CDKAL1: variants seen among roughly 807,000 people sequenced by gnomAD.
CDKAL1 encodes the protein threonylcarbamoyladenosine tRNA methylthiotransferase.
A neutral mutation model predicts 68.2 loss-of-function variants in CDKAL1; 32 were observed. The observed-to-expected ratio is 0.47, with a 90% CI of 0.35 to 0.63. The LOEUF is 0.63. Ranked by LOEUF, CDKAL1 falls within the 30% of genes least tolerant of loss-of-function variation. The probability of loss-of-function intolerance (pLI) is 0.00; values close to 1 mark genes in which losing one functional copy is unlikely to be tolerated. For synonymous variants in CDKAL1, 234 were observed against 244.3 expected, an observed-to-expected ratio of 0.96 and a Z score of 0.39; for missense variants, 606 against 696.7, an observed-to-expected ratio of 0.87 and a Z score of 1.47.
chr6:20,808,064 A>G (rs2150415987), intron 8 of CDKAL1, among the ~76,000 whole-genome samples: 1 of 152,352 alleles, frequency 6.6e-6, no homozygotes, highest in East Asian at 1.9e-4. Flanking sequence ...TGCTATCAGT[A>G]TTTGCCATTA....
intron 5 of CDKAL1, among the ~76,000 whole-genome samples, chr6:20,711,587 C>G (rs1417197074): frequency 6.6e-6 from 1 of 152,106 alleles, no homozygotes; most frequent in Non-Finnish European, 1.5e-5. Flanking sequence ...GTTTGGATAC[C>G]TTTGGCCTGT....
chr6:20,839,176 T>G (rs947369334), intron 8 of CDKAL1, among the ~76,000 whole-genome samples: 7 of 152,042 alleles, frequency 4.6e-5, no homozygotes, highest in African/African-American at 1.7e-4. Context: ...CTTAGGAAGA[T>G]GTTAAAGAAT....
rs1779992547 is a variant in CDKAL1 at position 21,231,999 on chromosome 6, T to TTTG, written c.*962_*963insGTT. ...CATTTTTGATCCATTGGGGTTTTTT[T>TTTG]TTTGTTTTTGTTTTTTTTTTTTTTT... is the stretch of plus-strand genomic sequence containing the variant. On this transcript the variant is annotated 3_prime_UTR_variant, in exon 16 of 16. Coordinates refer to ENST00000274695, the MANE Select transcript of CDKAL1 (RefSeq NM_017774.3). 1 of 136,312 alleles carries TTTG rather than the reference T, an allele frequency of 7.3e-6. No homozygotes were observed. Among genetic ancestry groups the TTTG allele is most frequent in the Non-Finnish European group, 1.6e-5 (1 of 62,378 alleles). 8.4% of individuals were successfully genotyped at this position (136,312 alleles called of 1,614,324 possible).
At chr6:20,779,964 C>T (rs1042125443) in intron 7 of CDKAL1, among the ~76,000 whole-genome samples, 4 of 151,698 alleles carry the variant, frequency 2.6e-5, no homozygotes, top group Non-Finnish European at 5.9e-5. Context: ...AACAATAGGT[C>T]TAGGCTGTGT....
At chr6:21,107,638 G>T (rs967508483) in intron 12 of CDKAL1, among the ~76,000 whole-genome samples, 1 of 151,802 alleles carries the variant, frequency 6.6e-6, no homozygotes, top group Admixed American at 6.6e-5. Context: ...CTCCATTTTG[G>T]CCAAGCTGGT....
intron 4 of CDKAL1, among the ~76,000 whole-genome samples, chr6:20,613,362 C>T (rs559858372): frequency 7.3e-6 from 1 of 137,126 alleles, no homozygotes; most frequent in African/African-American, 2.7e-5. Context: ...GCAACCTCCG[C>T]CTTCCAGGTT....
At chr6:21,033,740 A>T (rs1769423304) in intron 11 of CDKAL1, among the ~76,000 whole-genome samples, 1 of 152,188 alleles carries the variant, frequency 6.6e-6, no homozygotes, top group African/African-American at 2.4e-5. Context: ...TGCTTTGTGA[A>T]AGTAGTAGCC....
chr6:20,703,527 A>T (rs892411740), intron 5 of CDKAL1, among the ~76,000 whole-genome samples: 7 of 152,134 alleles, frequency 4.6e-5, no homozygotes, highest in Non-Finnish European at 8.8e-5. Flanking sequence ...TGATTCATTT[A>T]AAAAATATAT....
intron 13 of CDKAL1, among the ~76,000 whole-genome samples, chr6:21,169,976 G>A (rs967252698): frequency 8.1e-5 from 11 of 136,298 alleles, no homozygotes; most frequent in African/African-American, 3.1e-4. Flanking sequence ...CACAACATAT[G>A]GGAATTATGG....
At chr6:20,985,159 G>A (rs201353) in intron 10 of CDKAL1, among the ~76,000 whole-genome samples, 137,191 of 152,196 alleles carry the variant, frequency 0.9, 61,896 homozygotes, top group Middle Eastern at 0.94. Flanking sequence ...CCATTCATAT[G>A]TATGTTGCAT....
chr6:20,830,071 G>T (rs1243446668), intron 8 of CDKAL1, among the ~76,000 whole-genome samples: 1 of 152,098 alleles, frequency 6.6e-6, no homozygotes, highest in East Asian at 1.9e-4. Context: ...GCCCAGGCTG[G>T]TCTTGAACTC....
chr6:20,896,233 T>C (rs1255576119), intron 9 of CDKAL1, among the ~76,000 whole-genome samples: 1 of 151,848 alleles, frequency 6.6e-6, no homozygotes, highest in Non-Finnish European at 1.5e-5. Flanking sequence ...CCCGAGTAGC[T>C]GAGACTACAG....
chr6:21,043,347 T>TTGTGTG (rs34254730), intron 11 of CDKAL1, among the ~76,000 whole-genome samples: 360 of 150,496 alleles, frequency 2.4e-3, no homozygotes, highest in Middle Eastern at 6.9e-3. Context: ...GTGTGTGTGT[T>TTGTGTG]TGTGTGTGTG....
At chr6:20,837,776 A>C (rs1778007717) in intron 8 of CDKAL1, among the ~76,000 whole-genome samples, 1 of 133,158 alleles carries the variant, frequency 7.5e-6, no homozygotes, top group Non-Finnish European at 1.7e-5. Flanking sequence ...CTTTTTATAA[A>C]TATATATATG....
chr6:21,203,194 C>T (rs984208560), intron 15 of CDKAL1, among the ~76,000 whole-genome samples: 1 of 139,702 alleles, frequency 7.2e-6, no homozygotes, highest in Non-Finnish European at 1.5e-5. Flanking sequence ...GGACTATAGG[C>T]ATGCACCACC....
intron 9 of CDKAL1, among the ~76,000 whole-genome samples, chr6:20,902,772 C>G (rs550452216): frequency 6.6e-6 from 1 of 152,148 alleles, no homozygotes; most frequent in Admixed American, 6.5e-5. Flanking sequence ...CGGGAGCTTT[C>G]CAAAAGGCAA....
intron 5 of CDKAL1, among the ~76,000 whole-genome samples, chr6:20,692,547 A>G (rs976761002): frequency 1.3e-5 from 2 of 152,204 alleles, no homozygotes; most frequent in African/African-American, 4.8e-5. Flanking sequence ...AATTATTTCT[A>G]GAACTCTGAA....
chr6:20,639,577 G>A (rs1581873547), intron 4 of CDKAL1, among the ~76,000 whole-genome samples: 2 of 152,032 alleles, frequency 1.3e-5, no homozygotes, highest in African/African-American at 2.4e-5. Context: ...TGAAAACATG[G>A]TTACTCCATG....
chr6:20,701,528 A>G (rs1437494998), intron 5 of CDKAL1, among the ~76,000 whole-genome samples: 1 of 152,172 alleles, frequency 6.6e-6, no homozygotes, highest in Non-Finnish European at 1.5e-5. Context: ...TATGTGCCTC[A>G]GAAGTGGAGA....
Sources: allele counts gnomAD v4.1 joint callset (sites outside exome capture counted in the v4.1 genomes callset), GRCh38; gene constraint gnomAD v4.1.1; transcripts MANE v1.5; gene names NCBI Gene and HGNC (gene_info 2026-07-23, HGNC 2026-07-21).